TMEM178B: variants seen among roughly 807,000 people sequenced by gnomAD.
TMEM178B encodes the protein transmembrane protein 178B.
TMEM178B carries 5 observed loss-of-function variants against 31.0 expected under a neutral mutation model. That is an observed-to-expected ratio of 0.16 (90% CI 0.08 to 0.34). TMEM178B has a LOEUF of 0.34. Ranked by LOEUF, TMEM178B falls within the 10% of genes least tolerant of loss-of-function variation. The pLI, the probability that TMEM178B is intolerant of heterozygous loss-of-function variation, is 1.00. For synonymous variants in TMEM178B, 164 were observed against 164.0 expected, an observed-to-expected ratio of 1.00 and a Z score of 0.00; for missense variants, 275 against 400.3, an observed-to-expected ratio of 0.69 and a Z score of 2.67.
At chr7:141,455,182 A>G (rs1245287195) in intron 3 of TMEM178B, among the ~76,000 whole-genome samples, 1 of 152,210 alleles carries the variant, frequency 6.6e-6, no homozygotes, top group East Asian at 1.9e-4. Flanking sequence ...TAATCCTTAT[A>G]GAAAACTCGT....
chr7:141,180,808 C>T (rs1033292764), intron 1 of TMEM178B, among the ~76,000 whole-genome samples: 1 of 152,212 alleles, frequency 6.6e-6, no homozygotes, highest in Admixed American at 6.5e-5. Flanking sequence ...TCCTCTGGCA[C>T]TCAGTTTCCT....
At chr7:141,373,738 A>G (rs545360762) in intron 2 of TMEM178B, among the ~76,000 whole-genome samples, 3 of 152,258 alleles carry the variant, frequency 2.0e-5, no homozygotes, top group East Asian at 1.9e-4. Flanking sequence ...AGCAGCCAAC[A>G]TTGCCCATAG....
At chr7:141,183,250 G>T (rs1796558851) in intron 1 of TMEM178B, among the ~76,000 whole-genome samples, 1 of 152,156 alleles carries the variant, frequency 6.6e-6, no homozygotes, top group Non-Finnish European at 1.5e-5. Context: ...GGGTGGGAGG[G>T]AACAGCTTGT....
At chr7:141,361,439 G>A (rs534578002) in intron 2 of TMEM178B, among the ~76,000 whole-genome samples, 1 of 152,264 alleles carries the variant, frequency 6.6e-6, no homozygotes. Context: ...AGAATGAGAG[G>A]TCCTGGTTTG....
intron 3 of TMEM178B, among the ~76,000 whole-genome samples, chr7:141,444,310 A>C (rs566912353): frequency 1.3e-5 from 2 of 152,336 alleles, no homozygotes; most frequent in East Asian, 3.9e-4. Context: ...AATGTCGGGA[A>C]CAATGTCTGT....
At chr7:141,168,510 G>T (rs879366164) in intron 1 of TMEM178B, among the ~76,000 whole-genome samples, 1 of 152,144 alleles carries the variant, frequency 6.6e-6, no homozygotes, top group Non-Finnish European at 1.5e-5. Flanking sequence ...AGATGATTCT[G>T]CCTGTAATCC....
intron 1 of TMEM178B, among the ~76,000 whole-genome samples, chr7:141,176,571 G>C (rs918457708): frequency 6.6e-6 from 1 of 152,180 alleles, no homozygotes; most frequent in African/African-American, 2.4e-5. Context: ...GAATTCGGCT[G>C]TGAATCCGTC....
intron 2 of TMEM178B, among the ~76,000 whole-genome samples, chr7:141,424,379 A>G (rs1369467438): frequency 1.3e-5 from 2 of 152,202 alleles, no homozygotes; most frequent in African/African-American, 4.8e-5. Flanking sequence ...TCTCCACAGT[A>G]CATGCGCACT....
At chr7:141,228,243 A>C (rs1797377936) in intron 2 of TMEM178B, among the ~76,000 whole-genome samples, 1 of 152,214 alleles carries the variant, frequency 6.6e-6, no homozygotes, top group South Asian at 2.1e-4. Context: ...AAATAAATTT[A>C]AATATACCAA....
chr7:141,437,800 A>C, intron 3 of TMEM178B, 55 bp downstream of exon 3: 1 of 1,532,132 alleles, frequency 6.5e-7, no homozygotes, highest in Non-Finnish European at 8.7e-7. Flanking sequence ...TGTTTACCAC[A>C]ATTTGGGGAG....
chr7:141,121,496 A>G (rs1795406499), intron 1 of TMEM178B, among the ~76,000 whole-genome samples: 1 of 152,112 alleles, frequency 6.6e-6, no homozygotes, highest in African/African-American at 2.4e-5. Flanking sequence ...TCCTGATTAG[A>G]TCACCTCTTC....
the TMEM178B span, among the ~76,000 whole-genome samples, chr7:141,510,705 A>AAAAAAAG: frequency 7.0e-6 from 1 of 142,012 alleles, no homozygotes; most frequent in African/African-American, 2.8e-5. Context: ...AAAAAAAAAA[A>AAAAAAAG]AAAAAAAGAA....
chr7:141,230,087 C>A (rs1249879835), intron 2 of TMEM178B, among the ~76,000 whole-genome samples: 2 of 152,124 alleles, frequency 1.3e-5, no homozygotes, highest in Non-Finnish European at 2.9e-5. Context: ...TGTAAGTATA[C>A]ATAATTTACT....
At chr7:141,407,409 G>C (rs1800903356) in intron 2 of TMEM178B, among the ~76,000 whole-genome samples, 1 of 152,222 alleles carries the variant, frequency 6.6e-6, no homozygotes, top group African/African-American at 2.4e-5. Context: ...CTTCTTTGTA[G>C]ATTGCTTGCT....
At chr7:141,436,861 C>T (rs534820023) in intron 2 of TMEM178B, among the ~76,000 whole-genome samples, 1 of 152,142 alleles carries the variant, frequency 6.6e-6, no homozygotes, top group Admixed American at 6.5e-5. Context: ...AGGCGTGGAA[C>T]AGAGAAGGGC....
intron 2 of TMEM178B, chr7:141,414,876 T>C (rs2116641738): frequency 6.6e-6 from 1 of 152,352 alleles, no homozygotes; most frequent in South Asian, 2.1e-4. Flanking sequence ...ATTTATTCTA[T>C]TATTTGCTAC....
At chr7:141,249,054 T>C (rs889447187) in intron 2 of TMEM178B, among the ~76,000 whole-genome samples, 2 of 152,162 alleles carry the variant, frequency 1.3e-5, no homozygotes, top group South Asian at 2.1e-4. Flanking sequence ...TGTTGGTGGT[T>C]CCTTATAGAA....
intron 2 of TMEM178B, among the ~76,000 whole-genome samples, chr7:141,434,099 C>T (rs1801488675): frequency 6.6e-6 from 1 of 152,248 alleles, no homozygotes; most frequent in South Asian, 2.1e-4. Context: ...GCCTTTTCCT[C>T]TGTTTTCTTC....
At chr7:141,338,927 C>T (rs1328511511) in intron 2 of TMEM178B, among the ~76,000 whole-genome samples, 1 of 152,192 alleles carries the variant, frequency 6.6e-6, no homozygotes. Flanking sequence ...CAATGGGGAG[C>T]TACTCTGACC....
Sources: gnomAD v4.1 joint callset for allele counts (sites outside exome capture counted in the v4.1 genomes callset) on GRCh38, gnomAD v4.1.1 for gene constraint, MANE v1.5 for transcripts, NCBI Gene and HGNC (gene_info 2026-07-23, HGNC 2026-07-21) for gene names.